The following ROCK1 variants were observed in gnomAD, a reference collection of about 807,000 sequenced individuals.
ROCK1 encodes Rho associated coiled-coil containing protein kinase 1, also known as rho-associated protein kinase 1.
Under a neutral mutation model 196.8 loss-of-function variants are expected in ROCK1, and 36 were observed. That is an observed-to-expected ratio of 0.18 (90% CI 0.14 to 0.24). The LOEUF is 0.24. Among genes scored for constraint, ROCK1 ranks in the 10% least tolerant of loss-of-function variants. The pLI, the probability that ROCK1 is intolerant of heterozygous loss-of-function variation, is 1.00. For synonymous variants in ROCK1, 443 were observed against 515.9 expected (o/e 0.86, Z 1.91); for missense variants, 920 against 1,562.0 (o/e 0.59, Z 6.93).
intron 11 of ROCK1, among the ~76,000 whole-genome samples, chr18:21,020,653 G>A (rs2035906061): frequency 6.6e-6 from 1 of 152,182 alleles, no homozygotes. Context: ...TATAATCCTT[G>A]AGTTGAGGCC....
At chr18:21,011,601 G>A (rs191202278) in intron 13 of ROCK1, among the ~76,000 whole-genome samples, 248 of 152,110 alleles carry the variant, frequency 1.6e-3, no homozygotes, top group African/African-American at 5.6e-3. Context: ...GACTACAGGC[G>A]TGCACTACCA....
chr18:20,983,100 C>T (rs766325717), intron 20 of ROCK1, among the ~76,000 whole-genome samples: 2 of 150,836 alleles, frequency 1.3e-5, no homozygotes, highest in Non-Finnish European at 2.9e-5. Context: ...AATTGTGGAT[C>T]TATCCAAAAT....
intron 16 of ROCK1, among the ~76,000 whole-genome samples, chr18:21,002,145 T>C (rs1164396340): frequency 4.6e-5 from 7 of 152,128 alleles, no homozygotes; most frequent in South Asian, 4.1e-4. Context: ...CCTACAAACA[T>C]TGACCAACCC....
intron 14 of ROCK1, 84 bp downstream of exon 14, chr18:21,007,975 G>T: frequency 1.0e-6 from 1 of 993,190 alleles, no homozygotes; most frequent in Non-Finnish European, 1.4e-6. Flanking sequence ...GTAGCTTCAT[G>T]TATGTATCAT....
chr18:21,028,974 A>G, intron 9 of ROCK1, 39 bp from the exon 10 acceptor site: 2 of 1,586,000 alleles, frequency 1.3e-6, no homozygotes, highest in Non-Finnish European at 1.7e-6. Flanking sequence ...CTTCAAACTT[A>G]AAATACAAGT....
intron 22 of ROCK1, among the ~76,000 whole-genome samples, chr18:20,978,860 T>C (rs781157195): frequency 2.6e-5 from 4 of 152,248 alleles, no homozygotes; most frequent in Admixed American, 6.5e-5. Context: ...ATGGTTATAA[T>C]GACATTTGTC....
intron 1 of ROCK1, among the ~76,000 whole-genome samples, chr18:21,098,388 A>C (rs2036629227): frequency 6.6e-6 from 1 of 152,198 alleles, no homozygotes; most frequent in African/African-American, 2.4e-5. Context: ...ATAAAGATAA[A>C]ATTGGATGTA....
At chr18:21,019,050 C>T (rs568141677) in intron 12 of ROCK1, among the ~76,000 whole-genome samples, 53 of 152,198 alleles carry the variant, frequency 3.5e-4, no homozygotes, top group African/African-American at 1.2e-3. Context: ...CTCTGGTGAA[C>T]CACAGTGGAA....
chr18:20,980,105 T>C (rs562328878), intron 21 of ROCK1, 101 bp from the exon 22 acceptor site: 1 of 1,321,356 alleles, frequency 7.6e-7, no homozygotes, highest in East Asian at 2.8e-5. Context: ...ATCCAACAAT[T>C]CCACTCTCAA....
chr18:20,965,976 T>A (rs960685674), intron 27 of ROCK1, among the ~76,000 whole-genome samples: 3 of 152,212 alleles, frequency 2.0e-5, no homozygotes, highest in African/African-American at 7.2e-5. Context: ...TAGTTCCTTA[T>A]ATCAAATTCA....
intron 1 of ROCK1, among the ~76,000 whole-genome samples, chr18:21,092,952 T>C (rs1202422028): frequency 6.6e-6 from 1 of 152,176 alleles, no homozygotes; most frequent in African/African-American, 2.4e-5. Context: ...TGTCAGATAA[T>C]TTAATAATGG....
chr18:20,988,536 T>C (rs1430496116), intron 18 of ROCK1, among the ~76,000 whole-genome samples: 2 of 152,178 alleles, frequency 1.3e-5, no homozygotes, highest in Non-Finnish European at 2.9e-5. Flanking sequence ...TTTAAAAATA[T>C]AAATTACACA....
intron 12 of ROCK1, 47 bp downstream of exon 12, chr18:21,020,104 T>G (rs761353766): frequency 8.9e-5 from 99 of 1,114,236 alleles, no homozygotes; most frequent in Non-Finnish European, 1.2e-4. Flanking sequence ...AAGTAAGTAT[T>G]TGGTATATAA....
chr18:21,050,121 T>C (rs1369551523), intron 2 of ROCK1, among the ~76,000 whole-genome samples: 1 of 152,124 alleles, frequency 6.6e-6, no homozygotes, highest in African/African-American at 2.4e-5. Flanking sequence ...TAATCAAAAT[T>C]TGACTTAACA....
At chr18:21,012,898 C>G (rs1015667186) in intron 13 of ROCK1, among the ~76,000 whole-genome samples, 1 of 152,178 alleles carries the variant, frequency 6.6e-6, no homozygotes, top group Non-Finnish European at 1.5e-5. Flanking sequence ...CGCTCCTCTG[C>G]ATTGTTCACT....
intron 29 of ROCK1, among the ~76,000 whole-genome samples, chr18:20,959,074 T>C (rs1323550081): frequency 6.5e-5 from 3 of 46,336 alleles, no homozygotes; most frequent in Non-Finnish European, 9.9e-5. Flanking sequence ...TTATATTATA[T>C]AATATATATA....
intron 13 of ROCK1, 142 bp from the exon 14 acceptor site, chr18:21,008,336 A>T: frequency 1.7e-6 from 1 of 572,214 alleles, no homozygotes; most frequent in South Asian, 2.7e-5. Flanking sequence ...AAACGCAAAT[A>T]GTATCTCCTA....
chr18:21,107,407 C>T (rs552407738), intron 1 of ROCK1, among the ~76,000 whole-genome samples: 1 of 151,966 alleles, frequency 6.6e-6, no homozygotes, highest in Admixed American at 6.6e-5. Flanking sequence ...ATTTGAAAAC[C>T]TTATTTTTGG....
chr18:21,073,430 G>A (rs567348132), intron 1 of ROCK1, among the ~76,000 whole-genome samples: 2 of 152,178 alleles, frequency 1.3e-5, no homozygotes, highest in South Asian at 4.1e-4. Flanking sequence ...GAAAGCAGAA[G>A]CAAAAGAAAA....
Sources: gnomAD v4.1 joint callset for allele counts (sites outside exome capture counted in the v4.1 genomes callset) on GRCh38, gnomAD v4.1.1 for gene constraint, MANE v1.5 for transcripts, NCBI Gene and HGNC (gene_info 2026-07-23, HGNC 2026-07-21) for gene names.